ADGRL3: variants seen among roughly 807,000 people sequenced by gnomAD.
The protein encoded by ADGRL3 is adhesion G protein-coupled receptor L3, also known as calcium-independent alpha-latrotoxin receptor 3.
A neutral mutation model predicts 153.5 loss-of-function variants in ADGRL3; 62 were observed. That is an observed-to-expected ratio of 0.40 (90% CI 0.33 to 0.50). ADGRL3 has a LOEUF of 0.50. ADGRL3 is among the 20% of genes least tolerant of loss of function. The pLI is 0.47. For synonymous variants in ADGRL3, 710 were observed against 672.5 expected, an observed-to-expected ratio of 1.06 and a Z score of -0.86; for missense variants, 1,641 against 1,859.4, an observed-to-expected ratio of 0.88 and a Z score of 2.16.
chr4:61,203,296 C>T (rs573833982), intron 1 of ADGRL3, among the ~76,000 whole-genome samples: 1 of 152,316 alleles, frequency 6.6e-6, no homozygotes, highest in East Asian at 1.9e-4. Flanking sequence ...TCCAGGGTGT[C>T]TCCTCCCTGT....
chr4:61,398,283 G>A (rs2096890844), intron 2 of ADGRL3, among the ~76,000 whole-genome samples: 1 of 151,276 alleles, frequency 6.6e-6, no homozygotes, highest in Admixed American at 6.6e-5. Flanking sequence ...TTGAATTTGG[G>A]TGAATTGAAA....
intron 6 of ADGRL3, among the ~76,000 whole-genome samples, chr4:61,707,434 G>A (rs1220855560): frequency 6.6e-6 from 1 of 152,080 alleles, no homozygotes; most frequent in African/African-American, 2.4e-5. Flanking sequence ...AAATATGCCT[G>A]TGCTAATACT....
At chr4:61,759,689 T>C (rs2096885581) in intron 8 of ADGRL3, among the ~76,000 whole-genome samples, 1 of 152,232 alleles carries the variant, frequency 6.6e-6, no homozygotes, top group Admixed American at 6.5e-5. Flanking sequence ...CCATTCTCCG[T>C]CCAGCTTTGT....
chr4:61,678,087 T>C (rs1283352537), intron 6 of ADGRL3, among the ~76,000 whole-genome samples: 3 of 151,986 alleles, frequency 2.0e-5, no homozygotes, highest in Non-Finnish European at 2.9e-5. Context: ...AGGTTATGCT[T>C]CTTATATTGT....
At chr4:61,288,565 T>C (rs1049163010) in intron 1 of ADGRL3, among the ~76,000 whole-genome samples, 2 of 152,020 alleles carry the variant, frequency 1.3e-5, no homozygotes, top group African/African-American at 4.8e-5. Context: ...ACTCTATTTA[T>C]ATATTATTAG....
intron 8 of ADGRL3, among the ~76,000 whole-genome samples, chr4:61,799,566 A>G (rs1024823833): frequency 7.2e-5 from 11 of 152,130 alleles, no homozygotes; most frequent in Admixed American, 5.2e-4. Flanking sequence ...TGAAATATCT[A>G]TCAATAGCCC....
intron 9 of ADGRL3, among the ~76,000 whole-genome samples, chr4:61,864,917 T>C (rs2098385178): frequency 6.6e-6 from 1 of 152,158 alleles, no homozygotes; most frequent in African/African-American, 2.4e-5. Flanking sequence ...TTTCACTTAA[T>C]TGTATTTTGT....
chr4:62,038,763 C>T (rs1726555063), intron 24 of ADGRL3, among the ~76,000 whole-genome samples: 1 of 152,064 alleles, frequency 6.6e-6, no homozygotes, highest in Admixed American at 6.5e-5. Context: ...CGTGTGCCAC[C>T]ACGCCCAGAT....
chr4:61,823,542 C>T (rs2097774148), intron 9 of ADGRL3, among the ~76,000 whole-genome samples: 1 of 152,062 alleles, frequency 6.6e-6, no homozygotes, highest in Non-Finnish European at 1.5e-5. Flanking sequence ...ATTATTATTT[C>T]ATTAATCTCC....
At chr4:61,393,696 A>G (rs2096838658) in intron 2 of ADGRL3, among the ~76,000 whole-genome samples, 2 of 152,178 alleles carry the variant, frequency 1.3e-5, no homozygotes, top group African/African-American at 2.4e-5. Context: ...TTTTACTTCT[A>G]TTGGTGTAAT....
chr4:61,534,807 A>G (rs974603731), intron 4 of ADGRL3, among the ~76,000 whole-genome samples: 2 of 152,118 alleles, frequency 1.3e-5, no homozygotes, highest in African/African-American at 4.8e-5. Flanking sequence ...CTGAAATTTT[A>G]CTGAAGTCAT....
chr4:61,377,979 C>G (rs1267934346), intron 1 of ADGRL3, among the ~76,000 whole-genome samples: 1 of 151,878 alleles, frequency 6.6e-6, no homozygotes, highest in Non-Finnish European at 1.5e-5. Context: ...TTAACACTTT[C>G]AAATATTTAG....
At chr4:61,571,310 A>G (rs867107978) in intron 4 of ADGRL3, among the ~76,000 whole-genome samples, 1 of 121,774 alleles carries the variant, frequency 8.2e-6, no homozygotes, top group Non-Finnish European at 1.7e-5. Context: ...CCCTGTCTCA[A>G]CAAAATAATA....
At chr4:61,319,488 G>T (rs1208008404) in intron 1 of ADGRL3, among the ~76,000 whole-genome samples, 1 of 152,146 alleles carries the variant, frequency 6.6e-6, no homozygotes, top group Non-Finnish European at 1.5e-5. Flanking sequence ...ACTTCACCAT[G>T]TTGTGTTAGT....
intron 4 of ADGRL3, among the ~76,000 whole-genome samples, chr4:61,585,865 G>T (rs1429970259): frequency 6.6e-6 from 1 of 151,824 alleles, no homozygotes; most frequent in African/African-American, 2.4e-5. Flanking sequence ...AAACTTAAAC[G>T]TCAAGCTAGA....
intron 1 of ADGRL3, chr4:61,212,223 CA>C (rs1483575272): frequency 3.3e-5 from 5 of 152,056 alleles, no homozygotes; most frequent in Admixed American, 6.5e-5. Flanking sequence ...AAAATAAATG[CA>C]AATAGAAGTA....
At chr4:61,452,380 C>A (rs1188595713) in intron 2 of ADGRL3, among the ~76,000 whole-genome samples, 3 of 152,176 alleles carry the variant, frequency 2.0e-5, no homozygotes, top group Non-Finnish European at 4.4e-5. Context: ...GTGTAACCCT[C>A]CTGCAGTAAC....
At chr4:61,335,451 T>A (rs2095655623) in intron 1 of ADGRL3, among the ~76,000 whole-genome samples, 1 of 152,188 alleles carries the variant, frequency 6.6e-6, no homozygotes, top group Non-Finnish European at 1.5e-5. Flanking sequence ...AATGCATGAG[T>A]GCAGTGCATG....
chr4:61,750,642 T>C (rs926713642), intron 8 of ADGRL3, among the ~76,000 whole-genome samples: 31 of 151,742 alleles, frequency 2.0e-4, no homozygotes, highest in Non-Finnish European at 4.1e-4. Context: ...ATACAAAATT[T>C]AGCCGGGCGT....
Sources: allele counts gnomAD v4.1 joint callset (sites outside exome capture counted in the v4.1 genomes callset), GRCh38; gene constraint gnomAD v4.1.1; transcripts MANE v1.5; gene names NCBI Gene and HGNC (gene_info 2026-07-23, HGNC 2026-07-21).